Variants in NRXN1 observed in about 807,000 individuals in gnomAD.
The protein encoded by NRXN1 is neurexin-1.
A neutral mutation model predicts 150.9 loss-of-function variants in NRXN1; 39 were observed. The observed-to-expected ratio is 0.26, with a 90% confidence interval of 0.20 to 0.34. The LOEUF is 0.34. NRXN1 is among the 10% of genes least tolerant of loss of function. The pLI, the probability that NRXN1 is intolerant of heterozygous loss-of-function variation, is 1.00. For synonymous variants in NRXN1, 924 were observed against 757.0 expected (o/e 1.22, Z -3.62); for missense variants, 1,815 against 1,949.9 (o/e 0.93, Z 1.30).
intron 18 of NRXN1, among the ~76,000 whole-genome samples, chr2:50,102,324 C>G (rs548422829): frequency 6.6e-6 from 1 of 152,120 alleles, no homozygotes; most frequent in South Asian, 2.1e-4. Context: ...CATCCCATGA[C>G]TCAAAACTGA....
chr2:50,910,927 T>G (rs542247054), intron 5 of NRXN1, among the ~76,000 whole-genome samples: 25 of 151,754 alleles, frequency 1.6e-4, no homozygotes, highest in Admixed American at 1.3e-3. Flanking sequence ...TGGGGCTAAC[T>G]CAAGGGCTGG....
chr2:50,712,286 C>T (rs535276381), intron 5 of NRXN1, among the ~76,000 whole-genome samples: 1 of 152,216 alleles, frequency 6.6e-6, no homozygotes, highest in African/African-American at 2.4e-5. Context: ...CTTTCCAATG[C>T]TGTATCTCCG....
chr2:50,659,904 G>A (rs1034957407), intron 5 of NRXN1, among the ~76,000 whole-genome samples: 2 of 151,856 alleles, frequency 1.3e-5, no homozygotes, highest in Admixed American at 6.6e-5. Context: ...TAGAGGCTTT[G>A]AAGAAACAAT....
At chr2:50,405,770 G>A (rs1018672113) in intron 17 of NRXN1, among the ~76,000 whole-genome samples, 1 of 151,962 alleles carries the variant, frequency 6.6e-6, no homozygotes, top group Non-Finnish European at 1.5e-5. Flanking sequence ...ATTTCCTGAG[G>A]AATTAATTAT....
At chr2:50,769,236 AG>A (rs1359703929) in intron 5 of NRXN1, among the ~76,000 whole-genome samples, 1 of 152,000 alleles carries the variant, frequency 6.6e-6, no homozygotes, top group Non-Finnish European at 1.5e-5. Flanking sequence ...TTCCACCTAG[AG>A]GGCTCTTAAA....
At chr2:50,755,955 A>T (rs1265672055) in intron 5 of NRXN1, among the ~76,000 whole-genome samples, 1 of 151,760 alleles carries the variant, frequency 6.6e-6, no homozygotes, top group Non-Finnish European at 1.5e-5. Context: ...GTCGCTTTTG[A>T]TGGAAGAGAG....
At chr2:51,021,211 T>A (rs1218627604) in intron 2 of NRXN1, among the ~76,000 whole-genome samples, 1 of 152,090 alleles carries the variant, frequency 6.6e-6, no homozygotes, top group African/African-American at 2.4e-5. Flanking sequence ...CTTATATACT[T>A]TTTGAGAGCA....
At chr2:50,852,282 C>T (rs1336895496) in intron 5 of NRXN1, among the ~76,000 whole-genome samples, 1 of 152,178 alleles carries the variant, frequency 6.6e-6, no homozygotes, top group Non-Finnish European at 1.5e-5. Context: ...AAAATCTACT[C>T]TTTCCCCTAT....
intron 5 of NRXN1, among the ~76,000 whole-genome samples, chr2:50,691,841 G>T (rs1692130640): frequency 6.6e-6 from 1 of 152,124 alleles, no homozygotes; most frequent in African/African-American, 2.4e-5. Context: ...AACTAAAACT[G>T]TAGCCCAACA....
At chr2:50,906,494 A>T (rs983485303) in intron 5 of NRXN1, among the ~76,000 whole-genome samples, 5 of 152,160 alleles carry the variant, frequency 3.3e-5, no homozygotes, top group Non-Finnish European at 5.9e-5. Context: ...TTAGGAAAAT[A>T]GTGTAAGCTT....
At chr2:50,693,966 T>C (rs933335205) in intron 5 of NRXN1, among the ~76,000 whole-genome samples, 4 of 152,106 alleles carry the variant, frequency 2.6e-5, no homozygotes, top group East Asian at 3.9e-4. Flanking sequence ...TAATTGTTTT[T>C]ATTTTTTGTA....
chr2:50,177,774 ACTCTCTCTCT>A lies in NRXN1; in HGVS notation c.3546+59005_3546+59014del, dbSNP rs72085403. On this transcript the variant is annotated intron_variant, in intron 18 of 22. Coordinates refer to ENST00000401669, the MANE Select transcript of NRXN1 (RefSeq NM_001330078.2). ...CAATTGTAGCTAAACTAACTAACTA[ACTCTCTCTCT>A]CTCTCTCTCTCTCTCTCTCTCTCTC... is the stretch of plus-strand genomic sequence containing the variant. Among the ~76,000 whole-genome samples, 280 of 131,242 alleles carry A rather than the reference ACTCTCTCTCT, an allele frequency of 2.1e-3. 1 individual carries two copies. The highest frequency in any genetic ancestry group is 0.019 in the South Asian group (72 of 3,776). 86.1% of individuals were successfully genotyped at this position (131,242 alleles called of 152,430 possible). A position where few individuals can be genotyped will look rare whatever the true frequency, so the allele number is the denominator to read the frequency against.
chr2:50,425,238 C>A (rs1465585016), intron 17 of NRXN1, among the ~76,000 whole-genome samples: 1 of 152,176 alleles, frequency 6.6e-6, no homozygotes. Flanking sequence ...CTCATAACAA[C>A]TAGGAAACTA....
chr2:50,223,794 C>G, intron 18 of NRXN1, among the ~76,000 whole-genome samples: 1 of 151,734 alleles, frequency 6.6e-6, no homozygotes, highest in Non-Finnish European at 1.5e-5. Flanking sequence ...GTTTGGGGTG[C>G]GGGGGGAAAG....
intron 5 of NRXN1, among the ~76,000 whole-genome samples, chr2:50,810,147 A>T (rs1388231173): frequency 6.6e-6 from 1 of 152,178 alleles, no homozygotes; most frequent in Non-Finnish European, 1.5e-5. Context: ...AATCTTTTGA[A>T]ATCATCTGTT....
intron 1 of NRXN1, among the ~76,000 whole-genome samples, chr2:51,031,111 T>A (rs1276670651): frequency 1.3e-5 from 2 of 152,080 alleles, no homozygotes; most frequent in Non-Finnish European, 2.9e-5. Context: ...TCCCAGTTCT[T>A]GGAGGAAGCT....
chr2:50,170,647 T>C (rs1314784176), intron 18 of NRXN1, among the ~76,000 whole-genome samples: 1 of 152,132 alleles, frequency 6.6e-6, no homozygotes, highest in Admixed American at 6.6e-5. Flanking sequence ...TTTTCATATT[T>C]GGGATGCTCA....
chr2:50,999,388 AG>A (rs1324496735), intron 2 of NRXN1, among the ~76,000 whole-genome samples: 6 of 152,034 alleles, frequency 3.9e-5, no homozygotes, highest in African/African-American at 1.4e-4. Flanking sequence ...GCAAATAATC[AG>A]GAATGAAGGT....
At chr2:50,511,204 G>T (rs2092440790) in intron 12 of NRXN1, among the ~76,000 whole-genome samples, 1 of 152,036 alleles carries the variant, frequency 6.6e-6, no homozygotes, top group South Asian at 2.1e-4. Context: ...GGGATTACAG[G>T]CACCCACTAC....
Sources: allele counts gnomAD v4.1 joint callset (sites outside exome capture counted in the v4.1 genomes callset), GRCh38; gene constraint gnomAD v4.1.1; transcripts MANE v1.5; gene names NCBI Gene and HGNC (gene_info 2026-07-23, HGNC 2026-07-21).